The following FCHSD1 variants were observed in gnomAD, a reference collection of about 807,000 sequenced individuals.
The protein encoded by FCHSD1 is F-BAR and double SH3 domains protein 1.
FCHSD1 carries 109 observed loss-of-function variants against 101.3 expected under a neutral mutation model. The observed-to-expected ratio is 1.08, with a 90% confidence interval of 0.92 to 1.26. FCHSD1 has a LOEUF of 1.26. FCHSD1 is among the 50% of genes most tolerant of loss of function. FCHSD1 has a pLI of 0.00. For missense variants in FCHSD1, 820 were observed against 895.8 expected (o/e 0.92, Z 1.08); for synonymous variants, 291 against 356.8 (o/e 0.82, Z 2.08).
In FCHSD1 at chr5:141,640,546, G is replaced by A. The variant is rs2099906738; in HGVS notation, c.*952C>T. 1 of 1,588,462 alleles carries A rather than the reference G, an allele frequency of 6.3e-7. No individual in the cohort carries two copies. Among genetic ancestry groups the A allele is most frequent in the East Asian group, 2.3e-5 (1 of 43,816 alleles). The stretch of plus-strand genomic sequence containing the variant: ...CCCTGAACCCCCCGAGTAAACTGCA[G>A]GCTTAGCCTTTGCTATAAATCCCTT... On this transcript the variant is annotated 3_prime_UTR_variant, in exon 20 of 20. Coordinates refer to ENST00000435817, the MANE Select transcript of FCHSD1 (RefSeq NM_033449.3).
Position 141,644,292 on chromosome 5 carries a change from C to T in FCHSD1, c.1789G>A (p.Gly597Arg). ...TCCACCAGCAGGGAGGGGAAGACCC[C>T]AACACGGCCCCCAAATTCTCCCCTC... is the stretch of plus-strand genomic sequence containing the variant. ...FWRGEFGGRV[G>R]VFPSLLVEEL... The change falls in exon 17 of 20, where the codon GGG (glycine) becomes AGG (arginine). Residue 597 changes from glycine to arginine, a missense_variant. Gly to Arg is a moderately radical substitution (Grantham distance 125, BLOSUM62 -2). Coordinates refer to ENST00000435817, the MANE Select transcript of FCHSD1 (RefSeq NM_033449.3). The T allele has an allele frequency of 6.2e-7, 1 of 1,613,736 alleles. No individual in the cohort carries two copies. The highest frequency in any genetic ancestry group is 8.5e-7 in the Non-Finnish European group (1 of 1,179,778).
Position 141,649,975 on chromosome 5 carries a change from G to A in FCHSD1, c.166-21C>T. 6.5e-7 allele frequency: 1 copy of A among 1,534,106 alleles called. No homozygotes were observed. Reference sequence around the variant, plus strand: ...AGTGCCTGGTGAAAAAGCCATCACAGAACCAAGTTCCCTTTCAAAGACCCA... The same window carrying A: ...AGTGCCTGGTGAAAAAGCCATCACAAAACCAAGTTCCCTTTCAAAGACCCA... On this transcript the variant is annotated intron_variant, in intron 3 of 19. Coordinates refer to ENST00000435817, the MANE Select transcript of FCHSD1 (RefSeq NM_033449.3). This position sits in a 1 kb window ranked among gnomAD's most constrained non-coding sequence, Gnocchi z 4.1.
intron 13 of FCHSD1, among the ~76,000 whole-genome samples, chr5:141,645,473 G>T (rs2099907536): frequency 6.6e-6 from 1 of 152,214 alleles, no homozygotes; most frequent in Non-Finnish European, 1.5e-5. Flanking sequence ...CTGGGGTTCA[G>T]AAAGGTTAAG....
Position 141,649,601 on chromosome 5 carries a change from C to G in FCHSD1, c.234-65G>C. ...ACAGCTTCATGAGACCACCCCCACC[C>G]CCTGCCCCCTGACCAACACCATGGG... On this transcript the variant is annotated intron_variant, in intron 4 of 19. Coordinates refer to ENST00000435817, the MANE Select transcript of FCHSD1 (RefSeq NM_033449.3). This position sits in a 1 kb window ranked among gnomAD's most constrained non-coding sequence, Gnocchi z 4.1. 1 of 1,545,474 alleles carries G rather than the reference C, an allele frequency of 6.5e-7. No individual in the cohort carries two copies. Among genetic ancestry groups the G allele is most frequent in the Admixed American group, 1.9e-5 (1 of 51,886 alleles).
chr5:141,645,706 G>T, intron 13 of FCHSD1, 65 bp downstream of exon 13: 1 of 1,521,120 alleles, frequency 6.6e-7, no homozygotes, highest in Non-Finnish European at 8.9e-7. Context: ...GTTTTATAGG[G>T]TTTGCCTTCC....
chr5:141,641,010 C>A lies in FCHSD1; in HGVS notation c.*488G>T. On this transcript the variant is annotated 3_prime_UTR_variant, in exon 20 of 20. Transcript: ENST00000435817. ...CCTCTTAGCACAAGAGGCCCAGGCC[C>A]TGGCCTGGCCTTCGTGCCCTTTATT... 1 of 405,394 alleles carries A rather than the reference C, an allele frequency of 2.5e-6. No individual in the cohort carries two copies. Among genetic ancestry groups the A allele is most frequent in the Non-Finnish European group, 4.4e-6 (1 of 228,432 alleles). The allele number at this position is 405,394 out of a possible 1,614,324, so 25.1% of individuals were successfully genotyped here.
intron 17 of FCHSD1, among the ~76,000 whole-genome samples, chr5:141,643,482 T>C (rs2099907234): frequency 6.6e-6 from 1 of 152,220 alleles, no homozygotes; most frequent in African/African-American, 2.4e-5. Flanking sequence ...TCCTATTCTC[T>C]TTCTGCTGTA....
At chr5:141,648,359 CTT>C (rs1172220422) in intron 7 of FCHSD1, among the ~76,000 whole-genome samples, 3 of 152,220 alleles carry the variant, frequency 2.0e-5, no homozygotes, top group Admixed American at 2.0e-4. Flanking sequence ...TCTCTGACCT[CTT>C]TTCAAGCGCT....
In FCHSD1 at chr5:141,649,750, T is replaced by TCTG. The variant is rs2099908130; in HGVS notation, c.233+134_233+136dup. ...ACAGTGTCCTTGCTGGGTCAGCTCC[T>TCTG]CTGCTGCTGCTGTGTCAGCTCTACC... On this transcript the variant is annotated intron_variant, in intron 4 of 19. Transcript: ENST00000435817. This position sits in a 1 kb window ranked among gnomAD's most constrained non-coding sequence, Gnocchi z 4.1. 1 of 1,222,240 alleles carries TCTG rather than the reference T, an allele frequency of 8.2e-7. No homozygotes were observed. Among genetic ancestry groups the TCTG allele is most frequent in the Non-Finnish European group, 1.1e-6 (1 of 887,772 alleles). The allele number at this position is 1,222,240 out of a possible 1,614,324, so 75.7% of individuals were successfully genotyped here.
At chr5:141,642,517 T>C in intron 18 of FCHSD1, 1 of 538,762 alleles carries the variant, frequency 1.9e-6, no homozygotes, top group Non-Finnish European at 3.2e-6. Context: ...AAATAAATAA[T>C]AAAATAAAAC....
rs1371865652 is a variant in FCHSD1 at position 141,647,415 on chromosome 5, C to T, written c.811G>A (p.Glu271Lys). 6.2e-7 allele frequency: 1 copy of T among 1,600,246 alleles called. No homozygotes were observed. The change falls in exon 9 of 20, where the codon GAG becomes AAG. Residue 271 changes from glutamate to lysine, a missense_variant. Glu to Lys is a moderately conservative substitution (Grantham distance 56). Transcript: ENST00000435817. ...EVILEHAHRGEQTTSQVSWEQ... is the reference protein window; with the variant it reads ...EVILEHAHRGKQTTSQVSWEQ... ...GCCCTCACCTGGGAGGTTGTCTGCT[C>T]CCCGCGGTGGGCATGCTCCAGGATG...
Position 141,645,028 on chromosome 5 carries a change from GA to G in FCHSD1, c.1431del (p.Arg478AlafsTer10). 1 of 1,610,906 alleles carries G rather than the reference GA, an allele frequency of 6.2e-7. No homozygotes were observed. Among genetic ancestry groups the G allele is most frequent in the South Asian group, 1.1e-5 (1 of 90,644 alleles). On this transcript the variant is annotated frameshift_variant, in exon 14 of 20. Transcript: ENST00000435817. LOFTEE classifies it high-confidence loss of function. ...RALPCPAHVVFRYQAGREDEL... is the reference protein window; with the variant it reads ...RALPCPAHVVXRYQAGREDEL... ...CCCACCCCCATTCATACCTGATAGC[GA>G]AATACCACGTGTGCAGGGCAGGGGA...
chr5:141,642,053 A>C (rs1339872629), intron 18 of FCHSD1: 3 of 536,470 alleles, frequency 5.6e-6, no homozygotes, highest in Non-Finnish European at 1.0e-5. Flanking sequence ...CTAAGTGCTA[A>C]GTCATGCAAA....
At position 141,641,454 on chromosome 5, in the gene FCHSD1, G is replaced by T. The variant is rs544381992; in HGVS notation, c.*44C>A. 509 of 1,428,130 alleles carry T rather than the reference G, an allele frequency of 3.6e-4. 9 individuals carry two copies. The Admixed American group carries it at 0.012, about 35-fold the overall frequency. The allele number at this position is 1,428,130 out of a possible 1,614,324, so 88.5% of individuals were successfully genotyped here. On this transcript the variant is annotated 3_prime_UTR_variant, in exon 20 of 20. Coordinates refer to ENST00000435817, the MANE Select transcript of FCHSD1 (RefSeq NM_033449.3). ...TGATGGTGTGGTCTGACAGCTTGAAGATAGGGACAGCAGCATCACTGGGGG... is the reference window on the plus strand; with the variant it reads ...TGATGGTGTGGTCTGACAGCTTGAATATAGGGACAGCAGCATCACTGGGGG...
Position 141,641,034 on chromosome 5 carries a change from T to G in FCHSD1, c.*464A>C. 2.8e-6 allele frequency: 1 copy of G among 360,098 alleles called. No individual in the cohort carries two copies. The highest frequency in any genetic ancestry group is 5.0e-6 in the Non-Finnish European group (1 of 200,090). 22.3% of individuals were successfully genotyped at this position (360,098 alleles called of 1,614,324 possible). A position where few individuals can be genotyped will look rare whatever the true frequency, so the allele number is the denominator to read the frequency against. Reference sequence around the variant, plus strand: ...CCTGGCCTGGCCTTCGTGCCCTTTATTCATTGTCAATAAATCCGCTCAGAC... The same window carrying G: ...CCTGGCCTGGCCTTCGTGCCCTTTAGTCATTGTCAATAAATCCGCTCAGAC... On this transcript the variant is annotated 3_prime_UTR_variant, in exon 20 of 20. Transcript: ENST00000435817.
At chr5:141,645,734 C>T (rs1415448297) in intron 13 of FCHSD1, 37 bp downstream of exon 13, 1 of 1,576,646 alleles carries the variant, frequency 6.3e-7, no homozygotes, top group South Asian at 1.2e-5. Context: ...TTTTTCCCTT[C>T]TAAGTAAGGA....
At chr5:141,647,746 G>C (rs1015521593) in intron 8 of FCHSD1, 4 of 944,398 alleles carry the variant, frequency 4.2e-6, no homozygotes, top group Non-Finnish European at 4.6e-6. Flanking sequence ...GCAGAGAAAG[G>C]GTTATCCCTG....
rs1354957514 is a variant in FCHSD1 at position 141,640,667 on chromosome 5, C to T, written c.*831G>A. The T allele has an allele frequency of 1.2e-5, 19 of 1,535,836 alleles. No individual in the cohort carries two copies. In the African/African-American group the frequency reaches 2.6e-4, roughly 21 times the overall value. On this transcript the variant is annotated 3_prime_UTR_variant, in exon 20 of 20. Coordinates refer to ENST00000435817, the MANE Select transcript of FCHSD1 (RefSeq NM_033449.3). ...CAACAGTGTTATTCTTCCTCTTCTC[C>T]AAGTCTCCTTCATTGTGCTGATGGA...
chr5:141,646,811 A>G (rs548022973), intron 10 of FCHSD1, 89 bp from the exon 11 acceptor site: 1 of 1,508,508 alleles, frequency 6.6e-7, no homozygotes, highest in South Asian at 1.3e-5. Context: ...TTGACCTCCA[A>G]GGACAAGGAC....
Sources: gnomAD v4.1 joint callset for allele counts (sites outside exome capture counted in the v4.1 genomes callset) on GRCh38, gnomAD v4.1.1 for gene constraint, Gnocchi (gnomAD v3.1) non-coding constraint, MANE v1.5 for transcripts, NCBI Gene and HGNC (gene_info 2026-07-23, HGNC 2026-07-21) for gene names.